The following RADIL variants were observed in gnomAD, a reference collection of about 807,000 sequenced individuals.
RADIL encodes the protein ras-associating and dilute domain-containing protein.
Under a neutral mutation model 97.6 loss-of-function variants are expected in RADIL, and 99 were observed. The observed-to-expected ratio is 1.01, with a 90% confidence interval of 0.86 to 1.20. The LOEUF (loss-of-function observed/expected upper bound fraction) is 1.20. Among genes scored for constraint, RADIL ranks in the 50% most tolerant of loss-of-function variants. RADIL has a pLI of 0.00. For missense variants in RADIL, 1,765 were observed against 1,498.9 expected (o/e 1.18, Z -2.93); for synonymous variants, 803 against 691.8 (o/e 1.16, Z -2.52).
chr7:4,832,073 C>T (rs1308789099), intron 5 of RADIL, 68 bp downstream of exon 5: 6 of 1,555,658 alleles, frequency 3.9e-6, no homozygotes, highest in Admixed American at 1.7e-5. Context: ...GGACTTGGCT[C>T]CCCCGGGAAG....
In RADIL at chr7:4,877,987, G is replaced by C. The variant is rs761408525; in HGVS notation, c.153C>G (p.Asp51Glu). Residue 51 changes from aspartate (D) to glutamate (E), a missense_variant, in exon 2 of 15, where the codon GAC becomes GAG. By Grantham distance (45) the Asp-to-Glu change is conservative. Coordinates refer to ENST00000399583, the MANE Select transcript of RADIL (RefSeq NM_018059.5). Reference protein sequence around the residue: ...STFSSLGASDDPAELSTQLSA... With the variant: ...STFSSLGASDEPAELSTQLSA... ...ACAGCTGGGTGGAGAGCTCGGCGGG[G>C]TCATCGCTGGCGCCCAGGCTGGAGA... The C allele has an allele frequency of 3.1e-6, 5 of 1,609,482 alleles. No individual in the cohort carries two copies.
intron 6 of RADIL, among the ~76,000 whole-genome samples, chr7:4,820,263 C>T (rs756756822): frequency 2.0e-5 from 3 of 152,216 alleles, no homozygotes; most frequent in African/African-American, 7.2e-5. Flanking sequence ...TGGAGGATGG[C>T]AGAGTCAGGT....
chr7:4,829,115 T>G (rs2115214140), intron 5 of RADIL, among the ~76,000 whole-genome samples: 1 of 152,258 alleles, frequency 6.6e-6, no homozygotes, highest in South Asian at 2.1e-4. Context: ...CCATGCAAAC[T>G]TCTCCTCAAC....
Position 4,835,889 on chromosome 7 carries a change from A to C in RADIL, c.783+469T>G, listed in dbSNP as rs1783285052. Among the ~76,000 whole-genome samples, 1 of 152,208 alleles carries C rather than the reference A, an allele frequency of 6.6e-6. No individual in the cohort carries two copies. The highest frequency in any genetic ancestry group is 6.5e-5 in the Admixed American group (1 of 15,286). On this transcript the variant is annotated intron_variant, in intron 3 of 14. Coordinates refer to ENST00000399583, the MANE Select transcript of RADIL (RefSeq NM_018059.5). This position sits in a 1 kb window ranked among gnomAD's most constrained non-coding sequence, Gnocchi z 5.8. ...GCGACAGCCTGCCTGCTCTGATGGA[A>C]GTGGTGAGAAACGGCTCTGGGCAGA...
chr7:4,799,764 CGT>C lies in RADIL; in HGVS notation c.2986_2987del (p.Thr996AlafsTer111). 2.0e-6 allele frequency: 3 copies of C among 1,532,134 alleles called. No individual in the cohort carries two copies. The highest frequency in any genetic ancestry group is 2.6e-6 in the Non-Finnish European group (3 of 1,144,844). 94.9% of individuals were successfully genotyped at this position (1,532,134 alleles called of 1,614,324 possible). On this transcript the variant is annotated frameshift_variant, in exon 14 of 15. Transcript: ENST00000399583. LOFTEE classifies it high-confidence loss of function. ...LGMGLIDGMH[T>X]HLGAPGLYIQ... ...TGTAGAGCCCGGGGGCGCCCAGGTGCGTGTGCTGGGGACAAGCAGAGGCCTCA... is the reference window on the plus strand; with the variant it reads ...TGTAGAGCCCGGGGGCGCCCAGGTGCGTGCTGGGGACAAGCAGAGGCCTCA...
At chr7:4,870,432 T>TTTTTG (rs530175860) in intron 2 of RADIL, among the ~76,000 whole-genome samples, 21 of 151,986 alleles carry the variant, frequency 1.4e-4, no homozygotes, top group East Asian at 3.9e-4. Flanking sequence ...TTAACGTGGT[T>TTTTTG]TTTTGTTTTG....
chr7:4,836,349 G>T lies in RADIL; in HGVS notation c.783+9C>A. On this transcript the variant is annotated intron_variant, in intron 3 of 14. Transcript: ENST00000399583. Reference sequence around the variant, plus strand: ...CACCGGGCAGTGGGTGTCAGGAGGGGAGGCTCACGTGCTGCTGGCTGTAGC... The same window carrying T: ...CACCGGGCAGTGGGTGTCAGGAGGGTAGGCTCACGTGCTGCTGGCTGTAGC... 1 of 1,567,882 alleles carries T rather than the reference G, an allele frequency of 6.4e-7. No individual in the cohort carries two copies. The highest frequency in any genetic ancestry group is 8.6e-7 in the Non-Finnish European group (1 of 1,156,220).
rs1045873447 is a variant in RADIL at position 4,840,076 on chromosome 7, C to T, written c.536-3471G>A. Reference sequence around the variant, plus strand: ...AACACTTTTGTTAAAATAAAAATCACAGAAGTTTGAAAGGCCTCTTGCTCA... The same window carrying T: ...AACACTTTTGTTAAAATAAAAATCATAGAAGTTTGAAAGGCCTCTTGCTCA... On this transcript the variant is annotated intron_variant, in intron 2 of 14. Transcript: ENST00000399583. This position sits in a 1 kb window ranked among gnomAD's most constrained non-coding sequence, Gnocchi z 5.6. Among the ~76,000 whole-genome samples, 1 of 152,150 alleles carries T rather than the reference C, an allele frequency of 6.6e-6. No homozygotes were observed. Among genetic ancestry groups the T allele is most frequent in the Non-Finnish European group, 1.5e-5 (1 of 68,028 alleles).
At chr7:4,869,674 C>T (rs954656123) in intron 2 of RADIL, among the ~76,000 whole-genome samples, 1 of 152,122 alleles carries the variant, frequency 6.6e-6, no homozygotes, top group African/African-American at 2.4e-5. Flanking sequence ...ACTCTCTCTT[C>T]TGTTCCATTG....
At chr7:4,832,331 G>A (rs1441896246) in intron 4 of RADIL, 153 bp from the exon 5 acceptor site, 2 of 739,876 alleles carry the variant, frequency 2.7e-6, no homozygotes, top group Non-Finnish European at 4.6e-6. Context: ...TGCTGGAAAG[G>A]ACATTTTCCA....
In RADIL at chr7:4,816,478, A is replaced by G. The variant is rs368513132; in HGVS notation, c.1729-13T>C. 2.0e-4 allele frequency: 314 copies of G among 1,589,472 alleles called. 1 individual carries two copies. Among genetic ancestry groups the G allele is most frequent in the Non-Finnish European group, 1.6e-4 (190 of 1,163,286 alleles). Reference sequence around the variant, plus strand: ...AGATGTACAGGGACTGGCGGGGGCAAGAGGAGAACAGCAACCAGCATTTCC... The same window carrying G: ...AGATGTACAGGGACTGGCGGGGGCAGGAGGAGAACAGCAACCAGCATTTCC... On this transcript the variant is annotated splice_polypyrimidine_tract_variant and intron_variant, in intron 7 of 14. Coordinates refer to ENST00000399583, the MANE Select transcript of RADIL (RefSeq NM_018059.5).
intron 9 of RADIL, chr7:4,809,682 TATTTA>T (rs1782482044): frequency 1.1e-6 from 1 of 939,348 alleles, no homozygotes; most frequent in Non-Finnish European, 1.3e-6. Context: ...TATTTTATTT[TATTTA>T]ATTGATTTAT....
chr7:4,816,206 C>T (rs922866800), intron 8 of RADIL, 22 bp downstream of exon 8: 28 of 1,596,472 alleles, frequency 1.8e-5, no homozygotes, highest in Non-Finnish European at 2.1e-5. Context: ...CCCGACCCCT[C>T]AACCCTGCAC....
intron 6 of RADIL, among the ~76,000 whole-genome samples, chr7:4,820,015 G>A (rs28609535): frequency 0.025 from 3,766 of 152,316 alleles, 137 homozygotes; most frequent in African/African-American, 0.086. Context: ...AGGCAGCCAC[G>A]AAGCCACGTG....
rs565037350 is a variant in RADIL, at chr7:4,801,313, C to A, written c.2842+340G>T. Among the ~76,000 whole-genome samples, 3 of 152,324 alleles carry A rather than the reference C, an allele frequency of 2.0e-5. No homozygotes were observed. In the South Asian group the frequency reaches 6.2e-4, roughly 32 times the overall value. ...CCAGCTCCACCTTCTCCCTGAAGAC[C>A]CCTGGGTTCCCCCTCAGCACATCCT... On this transcript the variant is annotated intron_variant, in intron 12 of 14. Transcript: ENST00000399583.
intron 2 of RADIL, among the ~76,000 whole-genome samples, chr7:4,855,711 T>C (rs2115026093): frequency 6.6e-6 from 1 of 151,862 alleles, no homozygotes; most frequent in South Asian, 2.1e-4. Context: ...CATCTTTTCA[T>C]GTTTATTGGC....
rs377385512 is a variant in RADIL, at chr7:4,850,450, C to T, written c.536-13845G>A. 1.7e-4 allele frequency among the ~76,000 whole-genome samples: 26 copies of T among 152,244 alleles called. No individual in the cohort carries two copies. The South Asian group carries it at 5.2e-3, about 30-fold the overall frequency. On this transcript the variant is annotated intron_variant, in intron 2 of 14. Coordinates refer to ENST00000399583, the MANE Select transcript of RADIL (RefSeq NM_018059.5). ...TAATTAAGGTTGTCTATCAGCTGAC[C>T]TTGAGATATGGAGGTTATTTGCTGG...
intron 2 of RADIL, chr7:4,861,762 G>A: frequency 6.7e-7 from 1 of 1,488,154 alleles, no homozygotes; most frequent in Non-Finnish European, 8.9e-7. Context: ...CGATTCGGCG[G>A]CGGCGCCGGC....
In RADIL at chr7:4,818,346, G is replaced by A. The variant is rs76083556; in HGVS notation, c.1616-995C>T. Among the ~76,000 whole-genome samples, 3,869 of 152,322 alleles carry A rather than the reference G, an allele frequency of 0.025. 67 individuals are homozygous for A. Among genetic ancestry groups the A allele is most frequent in the Non-Finnish European group, 0.039 (2,678 of 68,010 alleles). On this transcript the variant is annotated intron_variant, in intron 6 of 14. Transcript: ENST00000399583. This position sits in a 1 kb window ranked among gnomAD's most constrained non-coding sequence, Gnocchi z 7.1. ...CGGAGGCCGGCCCACTCATGGCCAG[G>A]ACAATGGTGCGCCAAGCCCTTGGAC...
Sources: gnomAD v4.1 joint callset for allele counts (sites outside exome capture counted in the v4.1 genomes callset) on GRCh38, gnomAD v4.1.1 for gene constraint, Gnocchi (gnomAD v3.1) non-coding constraint, MANE v1.5 for transcripts, NCBI Gene and HGNC (gene_info 2026-07-23, HGNC 2026-07-21) for gene names.